Variants in FHIT observed in about 807,000 individuals in gnomAD.
FHIT encodes fragile histidine triad diadenosine triphosphatase, also known as bis(5'-adenosyl)-triphosphatase.
FHIT carries 19 observed loss-of-function variants against 17.9 expected under a neutral mutation model. The ratio of observed to expected loss-of-function variants is 1.06; its 90% CI spans 0.74 to 1.56. The LOEUF is 1.56. Ranked by LOEUF, FHIT falls within the 40% of genes most tolerant of loss-of-function variation. FHIT has a pLI of 0.00. For synonymous variants in FHIT, 81 were observed against 69.7 expected (o/e 1.16, Z -0.81); for missense variants, 248 against 189.2 (o/e 1.31, Z -1.82).
At chr3:60,768,405 T>A (rs1297912489) in intron 4 of FHIT, among the ~76,000 whole-genome samples, 2 of 152,106 alleles carry the variant, frequency 1.3e-5, no homozygotes, top group African/African-American at 4.8e-5. Context: ...AGTAGCTAGG[T>A]AGGCAAGGCC....
chr3:60,387,146 C>T (rs1247642996), intron 5 of FHIT, among the ~76,000 whole-genome samples: 3 of 151,672 alleles, frequency 2.0e-5, no homozygotes. Context: ...TGCCACCACA[C>T]CTAGCTAATT....
chr3:60,985,494 G>T (rs1710682833), intron 3 of FHIT, among the ~76,000 whole-genome samples: 1 of 152,062 alleles, frequency 6.6e-6, no homozygotes. Context: ...GAAGCTCTGT[G>T]ACAAACATAC....
chr3:60,030,906 T>A (rs1417778074), intron 5 of FHIT, among the ~76,000 whole-genome samples: 1 of 152,240 alleles, frequency 6.6e-6, no homozygotes, highest in African/African-American at 2.4e-5. Context: ...AAAAAATAAC[T>A]GTTATTTTCT....
intron 5 of FHIT, among the ~76,000 whole-genome samples, chr3:60,170,104 A>G (rs774535801): frequency 1.3e-5 from 2 of 152,068 alleles, no homozygotes; most frequent in African/African-American, 2.4e-5. Flanking sequence ...AAACTGAATA[A>G]TCCATTCCCT....
chr3:60,374,392 A>G (rs1425055563), intron 5 of FHIT, among the ~76,000 whole-genome samples: 1 of 151,986 alleles, frequency 6.6e-6, no homozygotes, highest in Non-Finnish European at 1.5e-5. Context: ...TGCTAATGCA[A>G]TTCTGTAAGT....
intron 8 of FHIT, among the ~76,000 whole-genome samples, chr3:59,856,002 T>C (rs1338446803): frequency 6.6e-6 from 1 of 152,066 alleles, no homozygotes; most frequent in Non-Finnish European, 1.5e-5. Flanking sequence ...AAGATGGTCT[T>C]GATCTCCTGA....
At chr3:60,862,996 T>G (rs573054108) in intron 3 of FHIT, among the ~76,000 whole-genome samples, 35 of 152,306 alleles carry the variant, frequency 2.3e-4, no homozygotes, top group African/African-American at 8.4e-4. Flanking sequence ...TATCTGGGTA[T>G]GCCTACCCTA....
chr3:60,892,066 G>C (rs551275412), intron 3 of FHIT, among the ~76,000 whole-genome samples: 1 of 152,286 alleles, frequency 6.6e-6, no homozygotes, highest in East Asian at 1.9e-4. Flanking sequence ...TCTGTTGCCA[G>C]AGTATGTTCA....
intron 4 of FHIT, among the ~76,000 whole-genome samples, chr3:60,537,266 G>T (rs1341413543): frequency 6.6e-6 from 1 of 151,996 alleles, no homozygotes; most frequent in Non-Finnish European, 1.5e-5. Context: ...GCACTTCACG[G>T]TGCCACCTTA....
intron 5 of FHIT, among the ~76,000 whole-genome samples, chr3:60,110,797 T>C (rs958325068): frequency 6.6e-6 from 1 of 152,214 alleles, no homozygotes; most frequent in African/African-American, 2.4e-5. Context: ...GGGTTTGACA[T>C]AAAAACCACT....
intron 5 of FHIT, among the ~76,000 whole-genome samples, chr3:60,408,646 T>C (rs1246739532): frequency 4.6e-5 from 7 of 152,086 alleles, no homozygotes; most frequent in African/African-American, 1.2e-4. Context: ...GGAGAAATAA[T>C]TGACAACAGA....
chr3:60,128,286 C>G (rs1177393207), intron 5 of FHIT, among the ~76,000 whole-genome samples: 2 of 152,100 alleles, frequency 1.3e-5, no homozygotes, highest in South Asian at 2.1e-4. Context: ...GGTGGCTGTT[C>G]CCTCATGCTA....
intron 2 of FHIT, chr3:61,166,887 AT>A (rs2037855435): frequency 6.6e-6 from 1 of 152,254 alleles, no homozygotes. Context: ...CAATAAAAAA[AT>A]CAACAAATAA....
chr3:61,021,375 G>A (rs12491965), intron 3 of FHIT, among the ~76,000 whole-genome samples: 74,782 of 148,756 alleles, frequency 0.5, 22,705 homozygotes, highest in East Asian at 0.71. Context: ...CGAGGCGGGC[G>A]GATCACGAGG....
chr3:60,506,968 T>C (rs902719706), intron 5 of FHIT, among the ~76,000 whole-genome samples: 3 of 152,176 alleles, frequency 2.0e-5, no homozygotes, highest in African/African-American at 7.2e-5. Context: ...GTGTAAAACA[T>C]AGTGCTGAAG....
At chr3:60,216,132 C>T (rs983841586) in intron 5 of FHIT, among the ~76,000 whole-genome samples, 4 of 152,126 alleles carry the variant, frequency 2.6e-5, no homozygotes, top group African/African-American at 7.2e-5. Context: ...CAGCCAAAAG[C>T]TTTGACCATG....
chr3:60,018,522 T>G (rs531340222), intron 5 of FHIT, among the ~76,000 whole-genome samples: 3 of 152,272 alleles, frequency 2.0e-5, no homozygotes, highest in Non-Finnish European at 4.4e-5. Context: ...GCCTGTTAAG[T>G]GGCAACATGA....
chr3:60,549,565 G>T (rs1472878855), intron 4 of FHIT, among the ~76,000 whole-genome samples: 1 of 152,136 alleles, frequency 6.6e-6, no homozygotes, highest in Admixed American at 6.5e-5. Flanking sequence ...GTAGCCAATA[G>T]TTGATATCCA....
chr3:60,600,268 C>T (rs1464124625), intron 4 of FHIT, among the ~76,000 whole-genome samples: 7 of 151,866 alleles, frequency 4.6e-5, no homozygotes, highest in African/African-American at 1.7e-4. Flanking sequence ...CCTCTTTTTT[C>T]CATAAGTTAT....
Sources: allele counts gnomAD v4.1 joint callset (sites outside exome capture counted in the v4.1 genomes callset), GRCh38; gene constraint gnomAD v4.1.1; transcripts MANE v1.5; gene names NCBI Gene and HGNC (gene_info 2026-07-23, HGNC 2026-07-21).